Variants in ASH1L observed in about 807,000 individuals in gnomAD.
ASH1L encodes the protein ASH1 like histone lysine methyltransferase.
A neutral mutation model predicts 269.0 loss-of-function variants in ASH1L; 23 were observed. The ratio of observed to expected loss-of-function variants is 0.09; its 90% CI spans 0.06 to 0.12. The LOEUF (loss-of-function observed/expected upper bound fraction) is 0.12. ASH1L is among the 10% of genes least tolerant of loss of function. The pLI, the probability that ASH1L is intolerant of heterozygous loss-of-function variation, is 1.00. For synonymous variants in ASH1L, 1,187 were observed against 1,253.5 expected (o/e 0.95, Z 1.12); for missense variants, 2,912 against 3,567.8 (o/e 0.82, Z 4.68).
chr1:155,474,654 G>A (rs1338427054), intron 3 of ASH1L, among the ~76,000 whole-genome samples: 4 of 152,058 alleles, frequency 2.6e-5, no homozygotes, highest in Non-Finnish European at 4.4e-5. Context: ...AGCCAAGATC[G>A]TGCCACTGCA....
chr1:155,382,728 CTCTT>C (rs1298141349), intron 7 of ASH1L, among the ~76,000 whole-genome samples: 1 of 151,534 alleles, frequency 6.6e-6, no homozygotes, highest in Non-Finnish European at 1.5e-5. Context: ...TGTGTCTTAG[CTCTT>C]TTTTTTTTTT....
Position 155,377,850 on chromosome 1 carries a change from T to A in ASH1L, c.6332+431A>T, listed in dbSNP as rs1421825759. Among the ~76,000 whole-genome samples, 3 of 151,836 alleles carry A rather than the reference T, an allele frequency of 2.0e-5. No individual in the cohort carries two copies. In the East Asian group the frequency reaches 5.8e-4, roughly 29 times the overall value. On this transcript the variant is annotated intron_variant, in intron 10 of 27. Transcript: ENST00000392403. Reference sequence around the variant, plus strand: ...TCCTGGCTAATACGGTGAAATCCCATCTCTACTAAAAATACAAAAAAAATT... The same window carrying A: ...TCCTGGCTAATACGGTGAAATCCCAACTCTACTAAAAATACAAAAAAAATT...
At position 155,349,593 on chromosome 1, in the gene ASH1L, G is replaced by T; in HGVS notation, c.7370C>A (p.Ser2457Tyr). 1 of 1,612,212 alleles carries T rather than the reference G, an allele frequency of 6.2e-7. No homozygotes were observed. The highest frequency in any genetic ancestry group is 1.1e-5 in the South Asian group (1 of 91,036). ...ICDGIISYKD[S>Y]SRQALAAPLL... ...TGGAGCTGCCAGTGCTTGCCGGGAA[G>T]AATCTGCAAAAGAATGTGAGGTTTA... is the stretch of plus-strand genomic sequence containing the variant. The change falls in exon 18 of 28, where the codon TCT (serine) becomes TAT (tyrosine). Residue 2457 changes from serine (S) to tyrosine (Y), a missense_variant. Around this residue, in one of 13 missense-constraint regions of ASH1L, gnomAD observed 309 missense variants for 435.1 expected, o/e 0.71. Transcript: ENST00000392403.
Position 155,482,441 on chromosome 1 carries a change from T to A in ASH1L, c.429A>T (p.Ser143=). 6.2e-7 allele frequency: 1 copy of A among 1,607,194 alleles called. No homozygotes were observed. The highest frequency in any genetic ancestry group is 8.5e-7 in the Non-Finnish European group (1 of 1,176,832). ...CATCATCTGCTTTCTTGTACAACTT[T>A]GAAGGGTCCTAAAATTTGAACAAGA... ...NEHCPSKRDP[S]KLYKKADDVA... is the part of the protein sequence containing the mutation. Residue 143 remains serine (S), a synonymous_variant, in exon 3 of 28, where the codon TCA becomes TCT. Transcript: ENST00000392403.
chr1:155,454,154 A>G (rs1443017002), intron 4 of ASH1L, among the ~76,000 whole-genome samples: 1 of 152,164 alleles, frequency 6.6e-6, no homozygotes, highest in Admixed American at 6.5e-5. Context: ...CAGTGATAAG[A>G]ATTTCTTATC....
intron 7 of ASH1L, among the ~76,000 whole-genome samples, chr1:155,393,112 C>T (rs535589475): frequency 3.9e-5 from 6 of 152,172 alleles, no homozygotes; most frequent in Non-Finnish European, 7.4e-5. Context: ...GGCACTAATC[C>T]TAGAGAATAA....
At chr1:155,533,353 T>C (rs190938313) in intron 1 of ASH1L, among the ~76,000 whole-genome samples, 2 of 152,212 alleles carry the variant, frequency 1.3e-5, no homozygotes, top group Admixed American at 1.3e-4. Flanking sequence ...GACAGGCTAA[T>C]GGCCAATAAA....
At chr1:155,455,268 A>T (rs955839025) in intron 4 of ASH1L, among the ~76,000 whole-genome samples, 11 of 152,198 alleles carry the variant, frequency 7.2e-5, no homozygotes, top group Admixed American at 1.3e-4. Flanking sequence ...CTAAAGACCT[A>T]ATAAGATATT....
rs1662023289 is a variant in ASH1L, at chr1:155,435,591, C to G, written c.5828+2736G>C. Among the ~76,000 whole-genome samples the G allele has an allele frequency of 2.0e-5, 3 of 150,428 alleles. No individual in the cohort carries two copies. The South Asian group carries it at 6.3e-4, about 32-fold the overall frequency. On this transcript the variant is annotated intron_variant, in intron 5 of 27. Transcript: ENST00000392403. ...TGCTCCTGAAATTAAAAAATATATT[C>G]TCTAGAAAAAAGCAATTATTTTTAT...
chr1:155,344,821 CACTA>C (rs1653109589), intron 21 of ASH1L, among the ~76,000 whole-genome samples: 1 of 152,194 alleles, frequency 6.6e-6, no homozygotes, highest in African/African-American at 2.4e-5. Flanking sequence ...GTGAGCCTAA[CACTA>C]ACCTTTGCTG....
intron 20 of ASH1L, among the ~76,000 whole-genome samples, chr1:155,347,435 A>C (rs2148335495): frequency 6.6e-6 from 1 of 152,294 alleles, no homozygotes; most frequent in Non-Finnish European, 1.5e-5. Context: ...AAAAACAAGA[A>C]GAGAGGAGAG....
chr1:155,443,424 T>A (rs1662753754), intron 4 of ASH1L, among the ~76,000 whole-genome samples: 2 of 152,232 alleles, frequency 1.3e-5, no homozygotes, highest in Non-Finnish European at 2.9e-5. Context: ...TGTAACTTAT[T>A]TTCAAAATTA....
At chr1:155,339,723 T>C (rs1652611959) in intron 25 of ASH1L, among the ~76,000 whole-genome samples, 1 of 152,178 alleles carries the variant, frequency 6.6e-6, no homozygotes, top group Non-Finnish European at 1.5e-5. Flanking sequence ...CAAACCTAGA[T>C]AGTATAGCCT....
At chr1:155,507,506 T>C (rs1194007313) in intron 2 of ASH1L, among the ~76,000 whole-genome samples, 1 of 152,202 alleles carries the variant, frequency 6.6e-6, no homozygotes, top group African/African-American at 2.4e-5. Context: ...ACAAAAATGT[T>C]AGTCAACAAA....
At chr1:155,476,381 G>A (rs770410965) in intron 3 of ASH1L, among the ~76,000 whole-genome samples, 5 of 151,530 alleles carry the variant, frequency 3.3e-5, no homozygotes, top group Non-Finnish European at 5.9e-5. Flanking sequence ...GCAAGACTCC[G>A]TCTCAAAATA....
At chr1:155,529,629 G>A (rs1455547304) in intron 1 of ASH1L, among the ~76,000 whole-genome samples, 1 of 151,974 alleles carries the variant, frequency 6.6e-6, no homozygotes, top group Non-Finnish European at 1.5e-5. Context: ...GCTTCTAACT[G>A]GTTCCTTGCT....
intron 17 of ASH1L, among the ~76,000 whole-genome samples, chr1:155,350,487 G>A (rs6670530): frequency 0.057 from 8,667 of 152,212 alleles, 804 homozygotes; most frequent in African/African-American, 0.2. Context: ...AGAACTTCCT[G>A]TGAAGAATGA....
chr1:155,387,215 C>T (rs554178367), intron 7 of ASH1L, among the ~76,000 whole-genome samples: 28 of 152,226 alleles, frequency 1.8e-4, no homozygotes, highest in Non-Finnish European at 3.4e-4. Context: ...CTCAAGTGAT[C>T]CACGTGCCTC....
chr1:155,393,367 A>G (rs1447358583), intron 7 of ASH1L, among the ~76,000 whole-genome samples: 1 of 152,172 alleles, frequency 6.6e-6, no homozygotes, highest in Non-Finnish European at 1.5e-5. Context: ...CTCCACAGTC[A>G]AGAGAGTTAA....
Sources: gnomAD v4.1 joint callset for allele counts (sites outside exome capture counted in the v4.1 genomes callset) on GRCh38, gnomAD v4.1.1 for gene constraint, gnomAD v4.1.1 regional missense constraint, MANE v1.5 for transcripts, NCBI Gene and HGNC (gene_info 2026-07-23, HGNC 2026-07-21) for gene names.